Variants in IQGAP1 observed in about 807,000 individuals in gnomAD.
The protein encoded by IQGAP1 is ras GTPase-activating-like protein IQGAP1.
IQGAP1 carries 66 observed loss-of-function variants against 215.6 expected under a neutral mutation model. That is an observed-to-expected ratio of 0.31 (90% CI 0.25 to 0.38). The LOEUF (loss-of-function observed/expected upper bound fraction) is 0.38, where lower values mean the gene tolerates loss of function less well. IQGAP1 is among the 10% of genes least tolerant of loss of function. The pLI is 1.00. For synonymous variants in IQGAP1, 772 were observed against 728.7 expected (o/e 1.06, Z -0.96); for missense variants, 1,712 against 1,997.1 (o/e 0.86, Z 2.72).
intron 9 of IQGAP1, among the ~76,000 whole-genome samples, chr15:90,444,325 G>A (rs1338488066): frequency 7.6e-6 from 1 of 132,122 alleles, no homozygotes; most frequent in Non-Finnish European, 1.6e-5. Context: ...GTTACACTTT[G>A]TTGTTTAGGC....
intron 5 of IQGAP1, among the ~76,000 whole-genome samples, chr15:90,436,828 C>T (rs1432695276): frequency 1.3e-5 from 2 of 152,256 alleles, no homozygotes; most frequent in Non-Finnish European, 2.9e-5. Context: ...ATAAAATACT[C>T]GTAATAATTA....
At position 90,422,903 on chromosome 15, in the gene IQGAP1, C is replaced by T. The variant is rs143203850; in HGVS notation, c.156-3207C>T. On this transcript the variant is annotated intron_variant, in intron 2 of 37. Coordinates refer to ENST00000268182, the MANE Select transcript of IQGAP1 (RefSeq NM_003870.4). ...TAGAGACAGGGTCTGGCTGTGTTGC[C>T]AGGCTGGTCCTGAACTCTTGGGCTC... Among the ~76,000 whole-genome samples the T allele has an allele frequency of 5.1e-3, 772 of 152,078 alleles. 8 individuals carry two copies. The highest frequency in any genetic ancestry group is 7.8e-3 in the Non-Finnish European group (527 of 67,970).
intron 36 of IQGAP1, among the ~76,000 whole-genome samples, chr15:90,495,086 T>C (rs1966253677): frequency 6.6e-6 from 1 of 152,256 alleles, no homozygotes; most frequent in Non-Finnish European, 1.5e-5. Context: ...TAATTTTTCC[T>C]CATTAAAGCA....
At chr15:90,390,296 C>G (rs1179322262) in intron 1 of IQGAP1, among the ~76,000 whole-genome samples, 5 of 152,200 alleles carry the variant, frequency 3.3e-5, no homozygotes, top group Non-Finnish European at 2.9e-5. Flanking sequence ...CTGAGTTCAC[C>G]CAGCCTCAGT....
intron 25 of IQGAP1, 123 bp from the exon 26 acceptor site, chr15:90,477,542 C>T: frequency 1.4e-6 from 1 of 739,574 alleles, no homozygotes; most frequent in Non-Finnish European, 2.3e-6. Context: ...CAGGAACATT[C>T]TGTGAGTGCT....
chr15:90,445,987 G>C (rs1965523080), intron 9 of IQGAP1, among the ~76,000 whole-genome samples: 1 of 151,836 alleles, frequency 6.6e-6, no homozygotes, highest in South Asian at 2.1e-4. Flanking sequence ...TTTGTATTCT[G>C]CTACCTTCTG....
rs369168309 is a variant in IQGAP1, at chr15:90,453,334, G to C, written c.1487+42G>C. 9.6e-6 allele frequency: 14 copies of C among 1,464,856 alleles called. No homozygotes were observed. In the Admixed American group the frequency reaches 1.9e-4, roughly 20 times the overall value. The allele number at this position is 1,464,856 out of a possible 1,614,324, so 90.7% of individuals were successfully genotyped here. On this transcript the variant is annotated intron_variant, in intron 13 of 37. Coordinates refer to ENST00000268182, the MANE Select transcript of IQGAP1 (RefSeq NM_003870.4). ...AAGGGAATAAATCCATTACGTAGCT[G>C]TTAACCCTGTCTTTTGTATGTCAGT...
chr15:90,482,724 G>A, intron 28 of IQGAP1: 1 of 999,052 alleles, frequency 1.0e-6, no homozygotes, highest in Non-Finnish European at 1.2e-6. Flanking sequence ...CTACAGTGAG[G>A]CCTCGATTCT....
chr15:90,454,628 CTA>C, intron 14 of IQGAP1, 76 bp downstream of exon 14: 2 of 1,432,322 alleles, frequency 1.4e-6, no homozygotes, highest in South Asian at 1.5e-5. Context: ...GTTCAAAATA[CTA>C]CTCCTAGAAG....
intron 26 of IQGAP1, among the ~76,000 whole-genome samples, chr15:90,481,432 G>GTCAGTATCA (rs1966057987): frequency 1.3e-5 from 2 of 151,942 alleles, no homozygotes; most frequent in Admixed American, 1.3e-4. Context: ...GTCCAGATTT[G>GTCAGTATCA]TCAGTATCAT....
intron 15 of IQGAP1, among the ~76,000 whole-genome samples, chr15:90,460,967 C>G (rs1567133790): frequency 6.9e-6 from 1 of 145,880 alleles, no homozygotes; most frequent in Non-Finnish European, 1.5e-5. Flanking sequence ...CCACTGCACT[C>G]CAGCCTGAGT....
intron 25 of IQGAP1, 111 bp from the exon 26 acceptor site, chr15:90,477,554 G>A (rs1965997488): frequency 8.7e-6 from 7 of 802,000 alleles, no homozygotes; most frequent in Admixed American, 2.2e-5. Flanking sequence ...GTGAGTGCTG[G>A]GGAATGTTTC....
intron 2 of IQGAP1, among the ~76,000 whole-genome samples, chr15:90,392,658 A>G (rs919118320): frequency 6.6e-6 from 1 of 151,994 alleles, no homozygotes; most frequent in Admixed American, 6.5e-5. Flanking sequence ...TTCAACTGCT[A>G]ATCTAGTTCA....
rs765687216 is a variant in IQGAP1 at position 90,500,347 on chromosome 15, C to T, written c.*239C>T. 5 of 413,678 alleles carry T rather than the reference C, an allele frequency of 1.2e-5. No individual in the cohort carries two copies. The highest frequency in any genetic ancestry group is 3.7e-5 in the Admixed American group (1 of 27,202). The allele number at this position is 413,678 out of a possible 1,614,324, so 25.6% of individuals were successfully genotyped here. On this transcript the variant is annotated 3_prime_UTR_variant, in exon 38 of 38. Transcript: ENST00000268182. Reference sequence around the variant, plus strand: ...CCTTTCTGGTTTCTTCATTTTCTTCCATTACTTAGGAAAGAGTGGAAACTC... The same window carrying T: ...CCTTTCTGGTTTCTTCATTTTCTTCTATTACTTAGGAAAGAGTGGAAACTC...
At chr15:90,405,805 AT>A (rs1347349868) in intron 2 of IQGAP1, among the ~76,000 whole-genome samples, 3 of 133,466 alleles carry the variant, frequency 2.2e-5, no homozygotes, top group Non-Finnish European at 4.9e-5. Context: ...TTGAGGGACT[AT>A]TTTTTCTTTC....
intron 15 of IQGAP1, among the ~76,000 whole-genome samples, chr15:90,457,476 G>T (rs968557030): frequency 6.6e-6 from 1 of 151,660 alleles, no homozygotes; most frequent in Non-Finnish European, 1.5e-5. Context: ...ACCCAGGCTA[G>T]AGTGCAATGA....
At chr15:90,439,784 G>C (rs1254725608) in intron 6 of IQGAP1, among the ~76,000 whole-genome samples, 1 of 152,168 alleles carries the variant, frequency 6.6e-6, no homozygotes, top group Non-Finnish European at 1.5e-5. Flanking sequence ...GAGGGAGAGT[G>C]GGGAGTGAGA....
chr15:90,389,621 G>A (rs1274203480), intron 1 of IQGAP1, among the ~76,000 whole-genome samples: 1 of 151,990 alleles, frequency 6.6e-6, no homozygotes, highest in Non-Finnish European at 1.5e-5. Context: ...CTGGCCTGAA[G>A]GTGACATTTG....
chr15:90,462,322 G>C (rs138424567), intron 15 of IQGAP1, among the ~76,000 whole-genome samples: 1 of 152,090 alleles, frequency 6.6e-6, no homozygotes, highest in East Asian at 1.9e-4. Flanking sequence ...ATTTTGTTTG[G>C]TACATTGTTA....
Sources: allele counts gnomAD v4.1 joint callset (sites outside exome capture counted in the v4.1 genomes callset), GRCh38; gene constraint gnomAD v4.1.1; transcripts MANE v1.5; gene names NCBI Gene and HGNC (gene_info 2026-07-23, HGNC 2026-07-21).